The following LRRIQ1 variants were observed in gnomAD, a reference collection of about 807,000 sequenced individuals.
LRRIQ1 encodes the protein leucine-rich repeat- and IQ domain-containing protein 1.
LRRIQ1 carries 210 observed loss-of-function variants against 211.9 expected under a neutral mutation model. That is an observed-to-expected ratio of 0.99 (90% CI 0.89 to 1.11). The LOEUF (loss-of-function observed/expected upper bound fraction) is 1.11, where lower values mean the gene tolerates loss of function less well. Among genes scored for constraint, LRRIQ1 ranks in the 50% most tolerant of loss-of-function variants. LRRIQ1 has a pLI of 0.00. For missense variants in LRRIQ1, 2,136 were observed against 1,939.5 expected, an observed-to-expected ratio of 1.10 and a Z score of -1.90; for synonymous variants, 699 against 650.1, an observed-to-expected ratio of 1.08 and a Z score of -1.14.
intron 19 of LRRIQ1, among the ~76,000 whole-genome samples, chr12:85,141,194 A>C (rs1889507891): frequency 6.6e-6 from 1 of 151,314 alleles, no homozygotes; most frequent in Non-Finnish European, 1.5e-5. Flanking sequence ...ATTTTTTGAA[A>C]TGTTTCATGT....
chr12:85,193,163 G>A (rs1892696143), intron 24 of LRRIQ1, among the ~76,000 whole-genome samples: 1 of 117,712 alleles, frequency 8.5e-6, no homozygotes, highest in African/African-American at 3.2e-5. Flanking sequence ...TTATATATAT[G>A]GGACTATGTG....
chr12:85,223,346 A>C (rs1894490536), intron 24 of LRRIQ1, among the ~76,000 whole-genome samples: 1 of 152,154 alleles, frequency 6.6e-6, no homozygotes, highest in Admixed American at 6.6e-5. Context: ...AAGGGAGGGA[A>C]TACTTGATGT....
At chr12:85,079,244 C>CTTTTTTTTTTTTT (rs3058476) in intron 11 of LRRIQ1, among the ~76,000 whole-genome samples, 1 of 103,578 alleles carries the variant, frequency 9.7e-6, no homozygotes, top group Non-Finnish European at 1.8e-5. Context: ...GTATCTTTAT[C>CTTTTTTTTTTTTT]TTTTTTTTTT....
chr12:85,148,360 C>T (rs1228258038), intron 19 of LRRIQ1, among the ~76,000 whole-genome samples: 1 of 151,834 alleles, frequency 6.6e-6, no homozygotes, highest in Non-Finnish European at 1.5e-5. Context: ...TCCATATGTT[C>T]TCATTGTTCA....
intron 11 of LRRIQ1, among the ~76,000 whole-genome samples, chr12:85,083,754 C>T (rs1256884222): frequency 6.6e-6 from 1 of 152,008 alleles, no homozygotes; most frequent in Non-Finnish European, 1.5e-5. Flanking sequence ...TTTTTGTCTA[C>T]ATAATTAATA....
At chr12:85,265,816 A>G (rs939363933), downstream of LRRIQ1, among the ~76,000 whole-genome samples, 2 of 152,058 alleles carry the variant, frequency 1.3e-5, no homozygotes, top group Admixed American at 6.6e-5. Context: ...CAAATTTTAT[A>G]TACAGTTAAC....
chr12:85,076,516 T>G, intron 11 of LRRIQ1: 1 of 356,142 alleles, frequency 2.8e-6, no homozygotes, highest in Non-Finnish European at 3.9e-6. Context: ...ATCATGTAAA[T>G]AGTAGAGATA....
intron 16 of LRRIQ1, among the ~76,000 whole-genome samples, chr12:85,123,410 C>A (rs1024875215): frequency 6.6e-6 from 1 of 151,726 alleles, no homozygotes; most frequent in Admixed American, 6.6e-5. Context: ...AAAATGTAGC[C>A]AAGAATAAGG....
At chr12:85,156,212 A>G (rs1890535551) in intron 23 of LRRIQ1, among the ~76,000 whole-genome samples, 1 of 151,734 alleles carries the variant, frequency 6.6e-6, no homozygotes, top group African/African-American at 2.4e-5. Flanking sequence ...TTTTATCAAT[A>G]TATTAGAATA....
intron 18 of LRRIQ1, among the ~76,000 whole-genome samples, chr12:85,134,679 G>T (rs1018995492): frequency 1.5e-4 from 23 of 152,006 alleles, no homozygotes; most frequent in African/African-American, 5.6e-4. Flanking sequence ...GTAAGATCAC[G>T]TGAAGCTTGA....
chr12:85,103,930 T>C, intron 13 of LRRIQ1, 74 bp from the exon 14 acceptor site: 1 of 674,704 alleles, frequency 1.5e-6, no homozygotes. Context: ...AAATGTATTG[T>C]TATATAGTTA....
intron 24 of LRRIQ1, among the ~76,000 whole-genome samples, chr12:85,213,066 A>T (rs573669145): frequency 6.6e-6 from 1 of 151,924 alleles, no homozygotes; most frequent in African/African-American, 2.4e-5. Flanking sequence ...AGCAAATAGT[A>T]ATTATTTCTA....
rs550488603 is a variant in LRRIQ1, at chr12:85,168,219, A to G, written c.4822+7505A>G. Among the ~76,000 whole-genome samples the G allele has an allele frequency of 4.6e-5, 7 of 152,198 alleles. No homozygotes were observed. In the South Asian group the frequency reaches 1.5e-3, roughly 32 times the overall value. ...CCTTCATTCCTGAAGGGGCTGGGCC[A>G]TTTGTAGCCCTGCCTGGAGTGGGTT... On this transcript the variant is annotated intron_variant, in intron 24 of 26. Coordinates refer to ENST00000393217, the MANE Select transcript of LRRIQ1 (RefSeq NM_001079910.2).
chr12:85,056,237 GA>G lies in LRRIQ1; in HGVS notation c.1451del (p.Asn484MetfsTer4). ...QTILADFKME[E>X]KNENLAKKRC... The stretch of plus-strand genomic sequence containing the variant: ...AATTCTGGCAGATTTTAAAATGGAA[GA>G]AAAAAATGAAAACCTAGCAAAAAAA... On this transcript the variant is annotated frameshift_variant, in exon 8 of 27. Transcript: ENST00000393217. LOFTEE classifies it high-confidence loss of function. 6.4e-7 allele frequency: 1 copy of G among 1,568,328 alleles called. No homozygotes were observed.
intron 6 of LRRIQ1, among the ~76,000 whole-genome samples, chr12:85,051,950 T>C (rs552388684): frequency 1.3e-5 from 2 of 152,258 alleles, no homozygotes; most frequent in African/African-American, 4.8e-5. Flanking sequence ...AATACAACTT[T>C]CCTAGGTTGC....
chr12:85,097,491 G>A (rs1001440995), intron 11 of LRRIQ1, among the ~76,000 whole-genome samples: 13 of 147,536 alleles, frequency 8.8e-5, no homozygotes, highest in Admixed American at 2.8e-4. Context: ...TCCAACCTAT[G>A]AGTGAGAACA....
At chr12:85,239,029 T>C (rs559742453) in intron 26 of LRRIQ1, among the ~76,000 whole-genome samples, 2 of 152,184 alleles carry the variant, frequency 1.3e-5, no homozygotes, top group Non-Finnish European at 2.9e-5. Context: ...ATGGAAAATA[T>C]TTAAAAATAA....
rs549871896 is a variant in LRRIQ1 at position 85,232,711 on chromosome 12, T to C, written c.4971T>C (p.Pro1657=). 1.2e-6 allele frequency: 2 copies of C among 1,611,724 alleles called. No homozygotes were observed. The highest frequency in any genetic ancestry group is 1.3e-5 in the African/African-American group (1 of 75,014). ...SRNMKCNHFL[P]ELDPDVLNGG... is the part of the protein sequence containing the mutation. ...CACTATGCAGCAATCACTTTTTGCC[T>C]GAGTTAGATCCAGATGTACTTAATG... Residue 1657 remains proline (P), a synonymous_variant, in exon 26 of 27, where the codon CCT becomes CCC. Transcript: ENST00000393217.
chr12:85,176,590 T>G (rs1244635246), intron 24 of LRRIQ1, among the ~76,000 whole-genome samples: 6 of 98,050 alleles, frequency 6.1e-5, no homozygotes, highest in Non-Finnish European at 9.5e-5. Context: ...TCGGGACTGT[T>G]GTGGGGTGGG....
Sources: gnomAD v4.1 joint callset for allele counts (sites outside exome capture counted in the v4.1 genomes callset) on GRCh38, gnomAD v4.1.1 for gene constraint, MANE v1.5 for transcripts, NCBI Gene and HGNC (gene_info 2026-07-23, HGNC 2026-07-21) for gene names.